CRB2: variants seen among roughly 807,000 people sequenced by gnomAD.
CRB2 encodes the protein protein crumbs homolog 2.
A neutral mutation model predicts 110.9 loss-of-function variants in CRB2; 85 were observed. That is an observed-to-expected ratio of 0.77 (90% confidence interval 0.64 to 0.92). The LOEUF (loss-of-function observed/expected upper bound fraction) is 0.92, where lower values mean the gene tolerates loss of function less well. Among genes scored for constraint, CRB2 ranks in the 40% least tolerant of loss-of-function variants. The probability of loss-of-function intolerance (pLI) is 0.00; values close to 1 mark genes in which losing one functional copy is unlikely to be tolerated. For missense variants in CRB2, 1,843 were observed against 1,851.3 expected (o/e 1.00, Z 0.08); for synonymous variants, 907 against 831.0 (o/e 1.09, Z -1.57).
rs777537689 is a variant in CRB2 at position 123,362,867 on chromosome 9, AC to A, written c.98del (p.Thr33ArgfsTer109). On this transcript the variant is annotated frameshift_variant, in exon 2 of 13. Coordinates refer to ENST00000373631, the MANE Select transcript of CRB2 (RefSeq NM_173689.7). LOFTEE classifies it high-confidence loss of function. Reference protein sequence around the residue: ...WAPALSLLAGTVPSEPPSACA... With the variant: ...WAPALSLLAGXVPSEPPSACA... Reference sequence around the variant, plus strand: ...CAGCCAGTTTCTTCTTTCTACAGGGACGGTGCCTTCAGAGCCCCCCAGTGCC... The same window carrying A: ...CAGCCAGTTTCTTCTTTCTACAGGGAGGTGCCTTCAGAGCCCCCCAGTGCC... 1.3e-6 allele frequency: 2 copies of A among 1,576,150 alleles called. No homozygotes were observed. Among genetic ancestry groups the A allele is most frequent in the Non-Finnish European group, 1.7e-6 (2 of 1,153,290 alleles).
rs571956772 is a variant in CRB2 at position 123,368,066 on chromosome 9, G to A, written c.1054+380G>A. Among the ~76,000 whole-genome samples, 6 of 152,210 alleles carry A rather than the reference G, an allele frequency of 3.9e-5. No individual in the cohort carries two copies. In the South Asian group the frequency reaches 1.0e-3, roughly 26 times the overall value. On this transcript the variant is annotated intron_variant, in intron 6 of 12. Coordinates refer to ENST00000373631, the MANE Select transcript of CRB2 (RefSeq NM_173689.7). ...TTGGGGAGCTGGGGCCTGTCAGGCA[G>A]GAGTTGGGGGTTCAGAAGTCTGCCC... is the stretch of plus-strand genomic sequence containing the variant.
chr9:123,357,561 C>T lies in CRB2; in HGVS notation c.94+1207C>T, dbSNP rs532217564. Among the ~76,000 whole-genome samples, 10 of 144,084 alleles carry T rather than the reference C, an allele frequency of 6.9e-5. No homozygotes were observed. In the East Asian group the frequency reaches 9.3e-4, roughly 13 times the overall value. The allele number at this position is 144,084 out of a possible 152,430, so 94.5% of individuals were successfully genotyped here. ...AAGGAAACCAAGGCTCAGAGAGGGA[C>T]GGGGACTTATGAGCTGGGCTCTGCT... On this transcript the variant is annotated intron_variant, in intron 1 of 12. Coordinates refer to ENST00000373631, the MANE Select transcript of CRB2 (RefSeq NM_173689.7).
chr9:123,374,037 T>A (rs1174808079), intron 10 of CRB2, 117 bp downstream of exon 10: 10 of 1,248,008 alleles, frequency 8.0e-6, no homozygotes, highest in Non-Finnish European at 1.0e-5. Context: ...CATGTCCTTA[T>A]CTGTGACATG....
rs749281915 is a variant in CRB2 at position 123,377,765 on chromosome 9, GACCC to G, written c.*708_*711del. 7 of 152,300 alleles carry G rather than the reference GACCC, an allele frequency of 4.6e-5. No individual in the cohort carries two copies. Among genetic ancestry groups the G allele is most frequent in the Non-Finnish European group, 1.0e-4 (7 of 68,096 alleles). 9.4% of individuals were successfully genotyped at this position (152,300 alleles called of 1,614,324 possible). Reference sequence around the variant, plus strand: ...GAGCCAGTCATGCGAGGGAACCACAGACCCACCCGCCCCCTCAGCCGGAGCAGCC... The same window carrying G: ...GAGCCAGTCATGCGAGGGAACCACAGACCCGCCCCCTCAGCCGGAGCAGCC... On this transcript the variant is annotated 3_prime_UTR_variant, in exon 13 of 13. Coordinates refer to ENST00000373631, the MANE Select transcript of CRB2 (RefSeq NM_173689.7).
intron 8 of CRB2, 110 bp downstream of exon 8, chr9:123,371,688 T>C: frequency 6.7e-7 from 1 of 1,483,610 alleles, no homozygotes; most frequent in Non-Finnish European, 9.2e-7. Flanking sequence ...AAACTGAGGC[T>C]CAGGAGGTGA....
At position 123,373,882 on chromosome 9, in the gene CRB2, G is replaced by T; in HGVS notation, c.3351G>T (p.Glu1117Asp). The change falls in exon 10 of 13, where the codon GAG becomes GAT. Residue 1117 changes from glutamate to aspartate, a missense_variant. Coordinates refer to ENST00000373631, the MANE Select transcript of CRB2 (RefSeq NM_173689.7). ...ACACGCACCCCGACGGCCGCTTCGA[G>T]TGCCGCTGCCCGCCTGGCTTCGGGG... Reference protein sequence around the residue: ...RCHTHPDGRFECRCPPGFGGP... With the variant: ...RCHTHPDGRFDCRCPPGFGGP... 1 of 1,549,436 alleles carries T rather than the reference G, an allele frequency of 6.5e-7. No individual in the cohort carries two copies.
chr9:123,371,864 C>CA (rs1201509921), intron 8 of CRB2, among the ~76,000 whole-genome samples: 1 of 152,138 alleles, frequency 6.6e-6, no homozygotes, highest in East Asian at 1.9e-4. Context: ...AGCCTTTCTG[C>CA]AGGAGCTACT....
In CRB2 at chr9:123,359,108, C is replaced by T. The variant is rs549236487; in HGVS notation, c.94+2754C>T. Among the ~76,000 whole-genome samples the T allele has an allele frequency of 5.9e-5, 9 of 152,288 alleles. No homozygotes were observed. In the South Asian group the frequency reaches 1.9e-3, roughly 32 times the overall value. ...TCCCTGACAGCTATTGTTGCAATTA[C>T]TGTTATCAAAATTATGTCTTTTAAC... is the stretch of plus-strand genomic sequence containing the variant. On this transcript the variant is annotated intron_variant, in intron 1 of 12. Coordinates refer to ENST00000373631, the MANE Select transcript of CRB2 (RefSeq NM_173689.7).
Position 123,371,550 on chromosome 9 carries a change from C to A in CRB2, c.2408C>A (p.Ala803Glu). ...GGCAGGCAGTCCTGGAACCTCACTG[C>A]GGGCTGCGTCTCCGAGGACATGTGC... is the stretch of plus-strand genomic sequence containing the variant. ...LGGRQSWNLT[A>E]GCVSEDMCSP... is the part of the protein sequence containing the mutation. Residue 803 changes from alanine to glutamate, a missense_variant, in exon 8 of 13, where the codon GCG (alanine) becomes GAG (glutamate). Physicochemically the swap from Ala to Glu is moderately radical, Grantham distance 107. Transcript: ENST00000373631. The A allele has an allele frequency of 6.2e-7, 1 of 1,613,028 alleles. No homozygotes were observed. The highest frequency in any genetic ancestry group is 8.5e-7 in the Non-Finnish European group (1 of 1,180,028).
chr9:123,370,939 G>A lies in CRB2; in HGVS notation c.1886G>A (p.Cys629Tyr). The A allele has an allele frequency of 1.1e-5, 17 of 1,608,498 alleles. No individual in the cohort carries two copies. Among genetic ancestry groups the A allele is most frequent in the Non-Finnish European group, 1.4e-5 (16 of 1,176,988 alleles). ...GTGGATCTGTGGACTCATTTCCGTT[G>A]CGACTGTGCCCGGCCCCATAGAGGT... ...SCVDLWTHFR[C>Y]DCARPHRGPT... Residue 629 changes from cysteine to tyrosine, a missense_variant, in exon 7 of 13, where the codon TGC (cysteine) becomes TAC (tyrosine). Transcript: ENST00000373631.
At chr9:123,358,201 G>C (rs2041821899) in intron 1 of CRB2, among the ~76,000 whole-genome samples, 1 of 152,212 alleles carries the variant, frequency 6.6e-6, no homozygotes, top group Admixed American at 6.5e-5. Context: ...GGGGCTTCTG[G>C]AGGCCATGGG....
At chr9:123,367,715 C>A in intron 6 of CRB2, 29 bp downstream of exon 6, 1 of 1,435,438 alleles carries the variant, frequency 7.0e-7, no homozygotes, top group Non-Finnish European at 9.5e-7. Flanking sequence ...GCCCTGGGAC[C>A]ATCAGAATTG....
chr9:123,370,295 C>A lies in CRB2; in HGVS notation c.1242C>A (p.Ile414=). 1.2e-6 allele frequency: 2 copies of A among 1,613,470 alleles called. No homozygotes were observed. The highest frequency in any genetic ancestry group is 1.7e-6 in the Non-Finnish European group (2 of 1,180,002). Residue 414 remains isoleucine, a synonymous_variant, in exon 7 of 13, where the codon ATC becomes ATA. Coordinates refer to ENST00000373631, the MANE Select transcript of CRB2 (RefSeq NM_173689.7). ...TCPLAATCIP[I]FESGVHSYVC... is the part of the protein sequence containing the mutation. Reference sequence around the variant, plus strand: ...CGCTGGCTGCCACCTGCATCCCTATCTTCGAGTCTGGGGTCCACAGTTACG... The same window carrying A: ...CGCTGGCTGCCACCTGCATCCCTATATTCGAGTCTGGGGTCCACAGTTACG...
intron 8 of CRB2, among the ~76,000 whole-genome samples, chr9:123,371,970 C>CT (rs1245053702): frequency 1.3e-5 from 2 of 152,220 alleles, no homozygotes; most frequent in Admixed American, 1.3e-4. Context: ...TCTTTACTGG[C>CT]TGGGTGACTC....
intron 6 of CRB2, chr9:123,368,853 A>C: frequency 7.9e-7 from 1 of 1,259,212 alleles, no homozygotes; most frequent in Non-Finnish European, 1.0e-6. Flanking sequence ...CCCCAGCCTC[A>C]GTGCCCGCCC....
chr9:123,366,467 G>T (rs1028024139), intron 4 of CRB2, 101 bp downstream of exon 4: 1 of 1,359,112 alleles, frequency 7.4e-7, no homozygotes, highest in Non-Finnish European at 9.6e-7. Flanking sequence ...GCGAGTGCCC[G>T]CTGGGTCCTC....
At chr9:123,371,956 C>T (rs2042023416) in intron 8 of CRB2, among the ~76,000 whole-genome samples, 1 of 152,186 alleles carries the variant, frequency 6.6e-6, no homozygotes, top group South Asian at 2.1e-4. Context: ...AATTCTGGTT[C>T]CTCTCTTTAC....
Position 123,370,467 on chromosome 9 carries a change from G to C in CRB2, c.1414G>C (p.Gly472Arg). ...ALRFRTTLPA[G>R]TLATRNDTKE... ...GAGGTTTCGCACCACACTGCCCGCTGGGACCTTGGCCACTCGCAATGACAC... is the reference window on the plus strand; with the variant it reads ...GAGGTTTCGCACCACACTGCCCGCTCGGACCTTGGCCACTCGCAATGACAC... Residue 472 changes from glycine to arginine, a missense_variant, in exon 7 of 13, where the codon GGG (glycine) becomes CGG (arginine). Transcript: ENST00000373631. 2 of 1,613,506 alleles carry C rather than the reference G, an allele frequency of 1.2e-6. No homozygotes were observed. Among genetic ancestry groups the C allele is most frequent in the Non-Finnish European group, 1.7e-6 (2 of 1,180,046 alleles).
At chr9:123,379,909 C>G (rs1349731933), downstream of CRB2, 2 of 152,324 alleles carry the variant, frequency 1.3e-5, no homozygotes, top group African/African-American at 4.8e-5. Flanking sequence ...CACCTAAGTG[C>G]CCAGGAGGTG....
Sources: gnomAD v4.1 joint callset for allele counts (sites outside exome capture counted in the v4.1 genomes callset) on GRCh38, gnomAD v4.1.1 for gene constraint, MANE v1.5 for transcripts, NCBI Gene and HGNC (gene_info 2026-07-23, HGNC 2026-07-21) for gene names.